Variants in SRGAP3 observed in about 807,000 individuals in gnomAD.
The protein encoded by SRGAP3 is SLIT-ROBO Rho GTPase activating protein 3.
SRGAP3 carries 39 observed loss-of-function variants against 121.1 expected under a neutral mutation model. That is an observed-to-expected ratio of 0.32 (90% CI 0.25 to 0.42). The LOEUF (loss-of-function observed/expected upper bound fraction) is 0.42, where lower values mean the gene tolerates loss of function less well. Ranked by LOEUF, SRGAP3 falls within the 10% of genes least tolerant of loss-of-function variation. The pLI is 1.00. For synonymous variants in SRGAP3, 601 were observed against 570.0 expected, an observed-to-expected ratio of 1.05 and a Z score of -0.77; for missense variants, 1,213 against 1,470.6, an observed-to-expected ratio of 0.82 and a Z score of 2.86.
At chr3:9,038,980 G>A (rs1290707668) in intron 10 of SRGAP3, among the ~76,000 whole-genome samples, 1 of 152,030 alleles carries the variant, frequency 6.6e-6, no homozygotes, top group Non-Finnish European at 1.5e-5. Flanking sequence ...TTCCCTGAAG[G>A]AGATGTCTGG....
chr3:9,310,252 C>T (rs1214087590), intron 3 of SRGAP3, among the ~76,000 whole-genome samples: 1 of 152,120 alleles, frequency 6.6e-6, no homozygotes, highest in Non-Finnish European at 1.5e-5. Context: ...GCCCCAAGGT[C>T]AGAGCTGTGT....
At chr3:9,146,553 T>G (rs1225448572) in intron 1 of SRGAP3, among the ~76,000 whole-genome samples, 1 of 152,214 alleles carries the variant, frequency 6.6e-6, no homozygotes, top group African/African-American at 2.4e-5. Flanking sequence ...CCTCACCTGG[T>G]GAACTCCTAC....
In SRGAP3 at chr3:9,124,863, G is replaced by A. The variant is rs753315902; in HGVS notation, c.122C>T (p.Ser41Leu). The change falls in exon 2 of 22, where the codon TCG (serine) becomes TTG (leucine). Residue 41 changes from serine to leucine, a missense_variant. Ser to Leu is a moderately radical substitution (Grantham distance 145). This residue lies in a region of SRGAP3 where 793 missense variants were observed against 1,032.9 expected (regional missense o/e 0.77). Coordinates refer to ENST00000383836, the MANE Select transcript of SRGAP3 (RefSeq NM_014850.4). ...QFKCLEQQSE[S>L]RLQLLQDLQE... Reference sequence around the variant, plus strand: ...GAGGTCTTGAAGCAGCTGCAGTCGCGACTCTGATTGCTGCTCCAGACATTT... The same window carrying A: ...GAGGTCTTGAAGCAGCTGCAGTCGCAACTCTGATTGCTGCTCCAGACATTT... The A allele has an allele frequency of 2.5e-5, 41 of 1,614,074 alleles. No individual in the cohort carries two copies. The highest frequency in any genetic ancestry group is 1.6e-4 in the Middle Eastern group (1 of 6,082).
intron 8 of SRGAP3, among the ~76,000 whole-genome samples, chr3:9,055,656 T>G (rs1399183058): frequency 6.6e-6 from 1 of 152,242 alleles, no homozygotes; most frequent in Non-Finnish European, 1.5e-5. Context: ...TTGTGTAATT[T>G]AAAATACCTA....
chr3:9,032,068 G>C (rs1457886569), intron 12 of SRGAP3, among the ~76,000 whole-genome samples: 1 of 152,156 alleles, frequency 6.6e-6, no homozygotes, highest in African/African-American at 2.4e-5. Flanking sequence ...GATTAACCTA[G>C]AATTCAAAAG....
chr3:9,174,665 C>A (rs1463457032), intron 1 of SRGAP3, among the ~76,000 whole-genome samples: 1 of 152,234 alleles, frequency 6.6e-6, no homozygotes, highest in African/African-American at 2.4e-5. Flanking sequence ...AGAATTCCAG[C>A]CTCGCCTGAC....
intron 1 of SRGAP3, among the ~76,000 whole-genome samples, chr3:9,157,841 G>T (rs928700861): frequency 6.6e-6 from 1 of 152,156 alleles, no homozygotes; most frequent in South Asian, 2.1e-4. Context: ...ACAGTCAGGG[G>T]GACAACTAAT....
At chr3:9,285,451 C>A (rs1168582366) in intron 3 of SRGAP3, among the ~76,000 whole-genome samples, 1 of 151,976 alleles carries the variant, frequency 6.6e-6, no homozygotes, top group Non-Finnish European at 1.5e-5. Flanking sequence ...TGAGGAGACT[C>A]ATATTTGAGA....
intron 3 of SRGAP3, among the ~76,000 whole-genome samples, chr3:9,286,120 AC>A (rs1257520517): frequency 5.0e-5 from 3 of 60,492 alleles, no homozygotes; most frequent in African/African-American, 2.0e-4. Context: ...TCAAACACAC[AC>A]ACACACACAC....
chr3:9,009,305 G>C (rs1943241035), intron 18 of SRGAP3, among the ~76,000 whole-genome samples: 1 of 152,056 alleles, frequency 6.6e-6, no homozygotes, highest in South Asian at 2.1e-4. Flanking sequence ...GAAACACAAA[G>C]GACAAGTAAG....
chr3:9,260,184 A>G (rs2600156), intron 3 of SRGAP3, among the ~76,000 whole-genome samples: 36,623 of 152,038 alleles, frequency 0.24, 4,658 homozygotes, highest in Non-Finnish European at 0.29. Context: ...GGGTGCCTAC[A>G]CCACCAGGGC....
At chr3:9,353,198 C>T (rs748967028) in intron 1 of SRGAP3, among the ~76,000 whole-genome samples, 11 of 152,224 alleles carry the variant, frequency 7.2e-5, no homozygotes, top group Admixed American at 2.0e-4. Context: ...ACAACATTCT[C>T]CCTTGTCAGT....
At chr3:9,078,498 T>A (rs17050011) in intron 4 of SRGAP3, among the ~76,000 whole-genome samples, 4,933 of 152,104 alleles carry the variant, frequency 0.032, 266 homozygotes, top group African/African-American at 0.11. Context: ...CTCACACCCA[T>A]CAAGGAGGAG....
chr3:9,243,060 CCA>C (rs1196891068), intron 1 of SRGAP3, among the ~76,000 whole-genome samples: 1 of 152,120 alleles, frequency 6.6e-6, no homozygotes, highest in Non-Finnish European at 1.5e-5. Flanking sequence ...ACAAAGATGA[CCA>C]TAAGCCTCTC....
upstream of SRGAP3, among the ~76,000 whole-genome samples, chr3:9,250,127 G>A (rs1265277795): frequency 6.6e-6 from 1 of 152,202 alleles, no homozygotes; most frequent in African/African-American, 2.4e-5. Context: ...AGCTGGGTGG[G>A]TCATTGGCTT....
rs183272762 is a variant in SRGAP3, at chr3:9,162,542, C to T, written c.68-37625G>A. On this transcript the variant is annotated intron_variant, in intron 1 of 21. Transcript: ENST00000383836. ...TTTTGAATCCTGAGTGATCCCTGCT[C>T]CTTCTGGTCCACTTGCAGGCCCCTG... Among the ~76,000 whole-genome samples the T allele has an allele frequency of 9.2e-5, 14 of 152,292 alleles. No homozygotes were observed. In the East Asian group the frequency reaches 2.5e-3, roughly 27 times the overall value.
chr3:9,079,208 T>C (rs1229244989), intron 4 of SRGAP3, among the ~76,000 whole-genome samples: 2 of 152,216 alleles, frequency 1.3e-5, no homozygotes, highest in Non-Finnish European at 2.9e-5. Context: ...ATAGGGCACC[T>C]ATCTATTTAA....
chr3:9,028,184 C>T, intron 12 of SRGAP3: 2 of 1,609,556 alleles, frequency 1.2e-6, no homozygotes, highest in Non-Finnish European at 1.7e-6. Flanking sequence ...AAAGATTATG[C>T]AGGAATAAGA....
At chr3:9,001,677 C>T (rs574696879) in intron 18 of SRGAP3, among the ~76,000 whole-genome samples, 8 of 152,168 alleles carry the variant, frequency 5.3e-5, no homozygotes, top group South Asian at 2.1e-4. Context: ...AAAAGACACA[C>T]TTTAGATTCA....
Sources: allele counts gnomAD v4.1 joint callset (sites outside exome capture counted in the v4.1 genomes callset), GRCh38; gene constraint gnomAD v4.1.1; regional missense constraint gnomAD v4.1.1; transcripts MANE v1.5; gene names NCBI Gene and HGNC (gene_info 2026-07-23, HGNC 2026-07-21).